PLCG1: variants seen among roughly 807,000 people sequenced by gnomAD.
PLCG1 encodes the protein 1-phosphatidylinositol 4,5-bisphosphate phosphodiesterase gamma-1.
Under a neutral mutation model 177.8 loss-of-function variants are expected in PLCG1, and 71 were observed. The observed-to-expected ratio is 0.40, with a 90% confidence interval of 0.33 to 0.49. The LOEUF is 0.49. Ranked by LOEUF, PLCG1 falls within the 20% of genes least tolerant of loss-of-function variation. The probability of loss-of-function intolerance (pLI) is 0.72; values close to 1 mark genes in which losing one functional copy is unlikely to be tolerated. For missense variants in PLCG1, 1,281 were observed against 1,709.0 expected (o/e 0.75, Z 4.42); for synonymous variants, 658 against 647.9 (o/e 1.02, Z -0.24).
rs887713704 is a variant in PLCG1, at chr20:41,147,172, C to G, written c.217+9314C>G. On this transcript the variant is annotated intron_variant, in intron 1 of 31. Transcript: ENST00000685551. The surrounding 1 kb of genome is among the most constrained non-coding windows in gnomAD (Gnocchi z 4.0). ...TTCAACAGTAATTGAGTATAATGTG[C>G]CTGTGTTAGCTTGTCCATCCTAACT... Among the ~76,000 whole-genome samples, 4 of 152,216 alleles carry G rather than the reference C, an allele frequency of 2.6e-5. No homozygotes were observed. Among genetic ancestry groups the G allele is most frequent in the African/African-American group, 9.6e-5 (4 of 41,452 alleles).
chr20:41,165,491 C>G lies in PLCG1; in HGVS notation c.1551C>G (p.Ile517Met). The G allele has an allele frequency of 1.9e-6, 3 of 1,614,064 alleles. No homozygotes were observed. Among genetic ancestry groups the G allele is most frequent in the Non-Finnish European group, 2.5e-6 (3 of 1,179,964 alleles). ...ACTTTGTTCTGACCAGCAGCAAGAT[C>G]TACTACTCTGAGGAGACCAGCAGTG... ...PHYFVLTSSK[I>M]YYSEETSSDQ... The change falls in exon 15 of 32, where the codon ATC becomes ATG. Residue 517 changes from isoleucine (I) to methionine (M), a missense_variant. Physicochemically the swap from Ile to Met is conservative, Grantham distance 10. Around this residue, in one of 4 missense-constraint regions of PLCG1, gnomAD observed 723 missense variants for 1,030.0 expected, o/e 0.70. Transcript: ENST00000685551. This position sits in a 1 kb window ranked among gnomAD's most constrained non-coding sequence, Gnocchi z 6.6.
In PLCG1 at chr20:41,164,208, C is replaced by T. The variant is rs1158957010; in HGVS notation, c.1217+7C>T. ...ATGCCTTTGTGGCCTCAGAGTGAGTCGGAGGCTGGATGACCCAGGGGTTAA... is the reference window on the plus strand; with the variant it reads ...ATGCCTTTGTGGCCTCAGAGTGAGTTGGAGGCTGGATGACCCAGGGGTTAA... On this transcript the variant is annotated splice_region_variant and intron_variant, in intron 12 of 31. Coordinates refer to ENST00000685551, the MANE Select transcript of PLCG1 (RefSeq NM_002660.3). This position sits in a 1 kb window ranked among gnomAD's most constrained non-coding sequence, Gnocchi z 6.4. The T allele has an allele frequency of 4.3e-6, 7 of 1,613,870 alleles. No individual in the cohort carries two copies. The highest frequency in any genetic ancestry group is 5.1e-6 in the Non-Finnish European group (6 of 1,179,940).
chr20:41,164,531 G>C lies in PLCG1; in HGVS notation c.1217+330G>C, dbSNP rs1484068699. ...ACTCCTTTGCCCTCACAGCCCAGAA[G>C]ATTGTCTCTGTTCCCTGTGTCCCAT... is the stretch of plus-strand genomic sequence containing the variant. On this transcript the variant is annotated intron_variant, in intron 12 of 31. Coordinates refer to ENST00000685551, the MANE Select transcript of PLCG1 (RefSeq NM_002660.3). This position sits in a 1 kb window ranked among gnomAD's most constrained non-coding sequence, Gnocchi z 6.4. 6.6e-6 allele frequency among the ~76,000 whole-genome samples: 1 copy of C among 152,106 alleles called. No individual in the cohort carries two copies. The highest frequency in any genetic ancestry group is 1.9e-4 in the East Asian group (1 of 5,186).
chr20:41,161,632 C>T (rs2035499560), intron 4 of PLCG1, among the ~76,000 whole-genome samples: 1 of 152,268 alleles, frequency 6.6e-6, no homozygotes, highest in South Asian at 2.1e-4. Flanking sequence ...AGTGCTTGAT[C>T]CACTCAGTGT....
Position 41,165,384 on chromosome 20 carries a change from G to T in PLCG1, c.1509+17G>T. ...GTGAACCACGTGAGGACTGGGCCAG[G>T]CTGGGGGTGGTAGGCCAGTGGGTGT... is the stretch of plus-strand genomic sequence containing the variant. On this transcript the variant is annotated intron_variant, in intron 14 of 31. Transcript: ENST00000685551. The surrounding 1 kb of genome is among the most constrained non-coding windows in gnomAD (Gnocchi z 6.6). The T allele has an allele frequency of 6.2e-7, 1 of 1,614,164 alleles. No homozygotes were observed. Among genetic ancestry groups the T allele is most frequent in the Middle Eastern group, 1.6e-4 (1 of 6,062 alleles).
rs1360177039 is a variant in PLCG1, at chr20:41,165,450, G to A, written c.1510G>A (p.Glu504Lys). 7 of 1,614,112 alleles carry A rather than the reference G, an allele frequency of 4.3e-6. No individual in the cohort carries two copies. The highest frequency in any genetic ancestry group is 5.9e-6 in the Non-Finnish European group (7 of 1,179,976). Reference protein sequence around the residue: ...ILYLEDPVNHEWYPHYFVLTS... With the variant: ...ILYLEDPVNHKWYPHYFVLTS... ...CAAGTCCCTCTTTGGTCTGTTCCAG[G>A]AATGGTATCCCCACTACTTTGTTCT... Residue 504 changes from glutamate (E) to lysine (K), a missense_variant and splice_region_variant, in exon 15 of 32, where the codon GAA (glutamate) becomes AAA (lysine). Transcript: ENST00000685551. This position sits in a 1 kb window ranked among gnomAD's most constrained non-coding sequence, Gnocchi z 6.6.
rs1211212641 is a variant in PLCG1, at chr20:41,176,113, T to G, written c.*1604T>G. On this transcript the variant is annotated 3_prime_UTR_variant, in exon 32 of 32. Coordinates refer to ENST00000685551, the MANE Select transcript of PLCG1 (RefSeq NM_002660.3). ...TCTAGGACTTGGCAGCTGAAATCTC[T>G]GGGCCCTTTCAACACAGTTGAAAGG... The G allele has an allele frequency of 6.6e-6, 1 of 152,228 alleles. No individual in the cohort carries two copies. Among genetic ancestry groups the G allele is most frequent in the Non-Finnish European group, 1.5e-5 (1 of 68,042 alleles). 9.4% of individuals were successfully genotyped at this position (152,228 alleles called of 1,614,324 possible).
Position 41,150,463 on chromosome 20 carries a change from C to G in PLCG1, c.218-9143C>G, listed in dbSNP as rs1194054987. ...TGGGTCCCCAGTCTCTCTCCTGTAG[C>G]TAGGAGCCTGGCATACACAGGCCAT... On this transcript the variant is annotated intron_variant, in intron 1 of 31. Coordinates refer to ENST00000685551, the MANE Select transcript of PLCG1 (RefSeq NM_002660.3). This position sits in a 1 kb window ranked among gnomAD's most constrained non-coding sequence, Gnocchi z 4.0. Among the ~76,000 whole-genome samples the G allele has an allele frequency of 6.6e-6, 1 of 152,092 alleles. No individual in the cohort carries two copies. Among genetic ancestry groups the G allele is most frequent in the Admixed American group, 6.5e-5 (1 of 15,270 alleles).
In PLCG1 at chr20:41,174,304, G is replaced by C. The variant is rs1290380366; in HGVS notation, c.3826G>C (p.Glu1276Gln). Residue 1276 changes from glutamate (E) to glutamine (Q), a missense_variant, in exon 31 of 32, where the codon GAA (glutamate) becomes CAA (glutamine). Physicochemically the swap from Glu to Gln is conservative, Grantham distance 29. Around this residue, in one of 4 missense-constraint regions of PLCG1, gnomAD observed 153 missense variants for 153.2 expected, o/e 1.00. Transcript: ENST00000685551. This position sits in a 1 kb window ranked among gnomAD's most constrained non-coding sequence, Gnocchi z 5.8. The stretch of plus-strand genomic sequence containing the variant: ...TCTCGCAGACCATTTTGACAGTCGA[G>C]AACGAAGGTGAGGAAGATGGAGGGG... ...EHLADHFDSR[E>Q]RRAPRRTRVN... 1 of 1,613,328 alleles carries C rather than the reference G, an allele frequency of 6.2e-7. No individual in the cohort carries two copies.
rs966054369 is a variant in PLCG1, at chr20:41,159,243, G to A, written c.218-363G>A. ...TCTGGGACTTTATGATTTGATTTGT[G>A]TGTACCTTGTGTCAGGAAGTGGTCC... On this transcript the variant is annotated intron_variant, in intron 1 of 31. Coordinates refer to ENST00000685551, the MANE Select transcript of PLCG1 (RefSeq NM_002660.3). This position sits in a 1 kb window ranked among gnomAD's most constrained non-coding sequence, Gnocchi z 6.0. Among the ~76,000 whole-genome samples, 1 of 152,132 alleles carries A rather than the reference G, an allele frequency of 6.6e-6. No homozygotes were observed. Among genetic ancestry groups the A allele is most frequent in the African/African-American group, 2.4e-5 (1 of 41,416 alleles).
rs1568739393 is a variant in PLCG1, at chr20:41,159,045, C to T, written c.218-561C>T. 6.6e-6 allele frequency among the ~76,000 whole-genome samples: 1 copy of T among 152,126 alleles called. No homozygotes were observed. Among genetic ancestry groups the T allele is most frequent in the Admixed American group, 6.5e-5 (1 of 15,270 alleles). ...GTCTGGGTCCAGGATGGTTGCTGCT[C>T]TTGGACAGCCAGTGCCTTGGTCAGG... On this transcript the variant is annotated intron_variant, in intron 1 of 31. Transcript: ENST00000685551. This position sits in a 1 kb window ranked among gnomAD's most constrained non-coding sequence, Gnocchi z 6.0.
At position 41,163,106 on chromosome 20, in the gene PLCG1, C is replaced by A; in HGVS notation, c.717-97C>A. The A allele has an allele frequency of 6.7e-7, 1 of 1,492,494 alleles. No individual in the cohort carries two copies. 92.5% of individuals were successfully genotyped at this position (1,492,494 alleles called of 1,614,324 possible). ...GAGTAGGGAACCATGCTGGACCATTCTGGGAAGCTGTGCTGGCTGGGAGTT... is the reference window on the plus strand; with the variant it reads ...GAGTAGGGAACCATGCTGGACCATTATGGGAAGCTGTGCTGGCTGGGAGTT... On this transcript the variant is annotated intron_variant, in intron 7 of 31. Coordinates refer to ENST00000685551, the MANE Select transcript of PLCG1 (RefSeq NM_002660.3). This position sits in a 1 kb window ranked among gnomAD's most constrained non-coding sequence, Gnocchi z 5.2.
At chr20:41,170,383 C>G (rs991088491) in intron 24 of PLCG1, 114 bp downstream of exon 24, 4 of 1,021,018 alleles carry the variant, frequency 3.9e-6, no homozygotes, top group Admixed American at 4.7e-5. Context: ...ATGGCCTATG[C>G]TAGATAGGCC....
intron 21 of PLCG1, 50 bp downstream of exon 21, chr20:41,168,920 G>A (rs1233943357): frequency 7.3e-7 from 1 of 1,370,190 alleles, no homozygotes; most frequent in Non-Finnish European, 1.0e-6. Context: ...CAGTGGAGCT[G>A]GGGCCCCAAA....
At chr20:41,168,965 C>A (rs1419718807) in intron 21 of PLCG1, 95 bp downstream of exon 21, 1 of 1,137,254 alleles carries the variant, frequency 8.8e-7, no homozygotes, top group Non-Finnish European at 1.3e-6. Flanking sequence ...CTCCTGTGTG[C>A]ACCAGCAGTG....
At position 41,147,153 on chromosome 20, in the gene PLCG1, A is replaced by G. The variant is rs1022160358; in HGVS notation, c.217+9295A>G. Among the ~76,000 whole-genome samples the G allele has an allele frequency of 2.6e-5, 4 of 152,194 alleles. No individual in the cohort carries two copies. The highest frequency in any genetic ancestry group is 1.3e-4 in the Admixed American group (2 of 15,278). On this transcript the variant is annotated intron_variant, in intron 1 of 31. Coordinates refer to ENST00000685551, the MANE Select transcript of PLCG1 (RefSeq NM_002660.3). This position sits in a 1 kb window ranked among gnomAD's most constrained non-coding sequence, Gnocchi z 4.0. ...CCTAGTCACTTCCTCCACCTTCAAC[A>G]GTAATTGAGTATAATGTGCCTGTGT... is the stretch of plus-strand genomic sequence containing the variant.
In PLCG1 at chr20:41,159,609, A is replaced by T. The variant is rs1320740696; in HGVS notation, c.221A>T (p.Asp74Val). ...GGCCTCTTTGCTACCTTCCTAGTTG[A>T]CATTCGTGAAATTAAGGAGATCCGC... ...RGADKIEGAI[D>V]IREIKEIRPG... Residue 74 changes from aspartate to valine, a missense_variant, in exon 2 of 32, where the codon GAC (aspartate) becomes GTC (valine). Around this residue, in one of 4 missense-constraint regions of PLCG1, gnomAD observed 374 missense variants for 443.8 expected, o/e 0.84. Transcript: ENST00000685551. The surrounding 1 kb of genome is among the most constrained non-coding windows in gnomAD (Gnocchi z 6.0). The T allele has an allele frequency of 6.2e-7, 1 of 1,613,788 alleles. No homozygotes were observed. Among genetic ancestry groups the T allele is most frequent in the African/African-American group, 1.3e-5 (1 of 74,892 alleles).
At chr20:41,169,723 T>A in intron 23 of PLCG1, 197 bp downstream of exon 23, 1 of 594,684 alleles carries the variant, frequency 1.7e-6, no homozygotes, top group East Asian at 2.8e-5. Context: ...CCTGCATGTT[T>A]ACCTATGCCA....
At chr20:41,169,564 A>G in intron 23 of PLCG1, 38 bp downstream of exon 23, 1 of 1,487,778 alleles carries the variant, frequency 6.7e-7, no homozygotes, top group Non-Finnish European at 9.4e-7. Context: ...ACTGTTCCCT[A>G]GGGTGAGATT....
Sources: gnomAD v4.1 joint callset for allele counts (sites outside exome capture counted in the v4.1 genomes callset) on GRCh38, gnomAD v4.1.1 for gene constraint, gnomAD v4.1.1 regional missense constraint, Gnocchi (gnomAD v3.1) non-coding constraint, MANE v1.5 for transcripts, NCBI Gene and HGNC (gene_info 2026-07-23, HGNC 2026-07-21) for gene names.